HDGFL3: variants seen among roughly 807,000 people sequenced by gnomAD.
HDGFL3 encodes HDGF like 3.
HDGFL3 carries 6 observed loss-of-function variants against 27.6 expected under a neutral mutation model. That is an observed-to-expected ratio of 0.22 (90% CI 0.12 to 0.43). HDGFL3 has a LOEUF of 0.43. Ranked by LOEUF, HDGFL3 falls within the 20% of genes least tolerant of loss-of-function variation. The pLI is 1.00. For missense variants in HDGFL3, 207 were observed against 250.1 expected, an observed-to-expected ratio of 0.83 and a Z score of 1.16; for synonymous variants, 88 against 88.9, an observed-to-expected ratio of 0.99 and a Z score of 0.05.
At chr15:83,188,526 GTA>G (rs1279118482) in intron 1 of HDGFL3, among the ~76,000 whole-genome samples, 1 of 152,140 alleles carries the variant, frequency 6.6e-6, no homozygotes, top group African/African-American at 2.4e-5. Flanking sequence ...TGGGATTACA[GTA>G]TTTTTTAAAA....
intron 1 of HDGFL3, among the ~76,000 whole-genome samples, chr15:83,198,972 G>C (rs2037604478): frequency 6.6e-6 from 1 of 152,148 alleles, no homozygotes; most frequent in African/African-American, 2.4e-5. Flanking sequence ...TGCACGTACT[G>C]GGATGGGAAT....
At chr15:83,126,218 G>C (rs1420588359), downstream of HDGFL3, among the ~76,000 whole-genome samples, 2 of 152,146 alleles carry the variant, frequency 1.3e-5, no homozygotes, top group Non-Finnish European at 2.9e-5. Flanking sequence ...TGGTGCCTGA[G>C]GGGAGGAAGG....
At chr15:83,163,621 G>A (rs1004836971) in intron 2 of HDGFL3, 5 of 187,248 alleles carry the variant, frequency 2.7e-5, no homozygotes, top group Admixed American at 2.3e-4. Flanking sequence ...GAGCCAGAGA[G>A]AACATAACTT....
At chr15:83,167,894 T>G (rs1202874148) in intron 1 of HDGFL3, among the ~76,000 whole-genome samples, 1 of 152,156 alleles carries the variant, frequency 6.6e-6, no homozygotes, top group Non-Finnish European at 1.5e-5. Context: ...ATAGACCACA[T>G]GCTTGGCCAT....
chr15:83,155,204 G>A (rs2037013850), intron 4 of HDGFL3, among the ~76,000 whole-genome samples: 1 of 152,222 alleles, frequency 6.6e-6, no homozygotes, highest in Non-Finnish European at 1.5e-5. Context: ...AATCTTCAAG[G>A]AAAGCAAAGG....
chr15:83,206,926 G>A (rs1014055785), intron 1 of HDGFL3, among the ~76,000 whole-genome samples: 3 of 152,240 alleles, frequency 2.0e-5, no homozygotes, highest in South Asian at 4.1e-4. Flanking sequence ...GCGGACAGCC[G>A]CTCACCCCGC....
At chr15:83,159,860 T>G (rs1409132087) in intron 2 of HDGFL3, among the ~76,000 whole-genome samples, 2 of 152,162 alleles carry the variant, frequency 1.3e-5, no homozygotes, top group Non-Finnish European at 2.9e-5. Flanking sequence ...CACAGATTAT[T>G]TAGGGCCTTG....
At chr15:83,205,818 T>C (rs2037708613) in intron 1 of HDGFL3, among the ~76,000 whole-genome samples, 2 of 152,362 alleles carry the variant, frequency 1.3e-5, no homozygotes, top group South Asian at 4.1e-4. Context: ...CTTGCCTCTC[T>C]AAGCAATACT....
downstream of HDGFL3, chr15:83,122,903 C>T: frequency 6.2e-7 from 1 of 1,612,298 alleles, no homozygotes; most frequent in Non-Finnish European, 8.5e-7. Flanking sequence ...CTTTGATGTA[C>T]CCTGTTCTCA....
chr15:83,123,014 T>C (rs527528546), downstream of HDGFL3: 99 of 952,796 alleles, frequency 1.0e-4, no homozygotes, highest in Admixed American at 1.1e-4. Flanking sequence ...GTTTTGATTA[T>C]GTAGCATTAG....
intron 1 of HDGFL3, among the ~76,000 whole-genome samples, chr15:83,200,267 G>A (rs1018555226): frequency 1.1e-4 from 16 of 149,816 alleles, no homozygotes; most frequent in African/African-American, 2.0e-4. Flanking sequence ...CCCGGGAGGC[G>A]GAGCTTGCAG....
chr15:83,139,300 A>G, intron 5 of HDGFL3, 25 bp from the exon 6 acceptor site: 1 of 1,393,822 alleles, frequency 7.2e-7, no homozygotes, highest in South Asian at 1.4e-5. Context: ...AAAAGAAAGA[A>G]AACAAGCCTT....
intron 1 of HDGFL3, among the ~76,000 whole-genome samples, chr15:83,194,512 A>T (rs1408114650): frequency 1.3e-5 from 2 of 152,230 alleles, no homozygotes; most frequent in Non-Finnish European, 2.9e-5. Flanking sequence ...AATATTACAT[A>T]AACTATACAC....
intron 4 of HDGFL3, among the ~76,000 whole-genome samples, chr15:83,152,990 C>CTTTTTT (rs920789734): frequency 8.8e-6 from 1 of 113,314 alleles, no homozygotes; most frequent in Non-Finnish European, 1.9e-5. Flanking sequence ...ATACGCAGTT[C>CTTTTTT]TTTTTTTTTT....
intron 3 of HDGFL3, chr15:83,116,029 AGT>A: frequency 1.9e-6 from 2 of 1,047,906 alleles, no homozygotes; most frequent in Non-Finnish European, 3.0e-6. Flanking sequence ...CCTCTCATTT[AGT>A]GTGAACAGGT....
At chr15:83,144,604 G>A in intron 5 of HDGFL3, 2 of 448,006 alleles carry the variant, frequency 4.5e-6, no homozygotes, top group South Asian at 1.6e-5. Flanking sequence ...CAACTCATGA[G>A]GAACTGAGGC....
chr15:83,183,723 A>C (rs955866778), intron 1 of HDGFL3, among the ~76,000 whole-genome samples: 4 of 151,204 alleles, frequency 2.6e-5, no homozygotes, highest in African/African-American at 9.7e-5. Context: ...GTGCCAATGC[A>C]CTCCAGCCTG....
chr15:83,193,467 T>C (rs1443033739), intron 1 of HDGFL3, among the ~76,000 whole-genome samples: 1 of 152,172 alleles, frequency 6.6e-6, no homozygotes, highest in Non-Finnish European at 1.5e-5. Context: ...GGAACCCTTG[T>C]GCATTGTTGG....
intron 1 of HDGFL3, among the ~76,000 whole-genome samples, chr15:83,186,404 A>G (rs17509233): frequency 0.2 from 30,863 of 152,102 alleles, 3,277 homozygotes; most frequent in Admixed American, 0.22. Flanking sequence ...ATATTAACCT[A>G]TTGTAATTTC....
Sources: allele counts gnomAD v4.1 joint callset (sites outside exome capture counted in the v4.1 genomes callset), GRCh38; gene constraint gnomAD v4.1.1; transcripts MANE v1.5; gene names NCBI Gene and HGNC (gene_info 2026-07-23, HGNC 2026-07-21).